CELSR1: variants seen among roughly 807,000 people sequenced by gnomAD.
CELSR1 encodes the protein cadherin EGF LAG seven-pass G-type receptor 1.
A neutral mutation model predicts 249.1 loss-of-function variants in CELSR1; 110 were observed. The observed-to-expected ratio is 0.44, with a 90% CI of 0.38 to 0.52. The LOEUF is 0.52. Among genes scored for constraint, CELSR1 ranks in the 20% least tolerant of loss-of-function variants. The pLI is 0.00. For missense variants in CELSR1, 4,109 were observed against 4,296.4 expected, an observed-to-expected ratio of 0.96 and a Z score of 1.22; for synonymous variants, 2,113 against 1,900.0, an observed-to-expected ratio of 1.11 and a Z score of -2.92.
chr22:46,460,200 C>CAT (rs2080006530), intron 2 of CELSR1, among the ~76,000 whole-genome samples: 1 of 121,896 alleles, frequency 8.2e-6, no homozygotes, highest in African/African-American at 3.2e-5. Flanking sequence ...CACACACACA[C>CAT]ACACACACAC....
rs149743371 is a variant in CELSR1, at chr22:46,409,698, G to T, written c.5059+57C>A. The T allele has an allele frequency of 1.2e-6, 2 of 1,602,066 alleles. No homozygotes were observed. The highest frequency in any genetic ancestry group is 1.3e-5 in the African/African-American group (1 of 74,884). On this transcript the variant is annotated intron_variant, in intron 8 of 34. Transcript: ENST00000674500. This position sits in a 1 kb window ranked among gnomAD's most constrained non-coding sequence, Gnocchi z 9.8. ...CTCACGGTGGTCCCGGGCACATCAA[G>T]GAGCAATGCCTCCCAGGCCGCCGTG...
intron 5 of CELSR1, among the ~76,000 whole-genome samples, chr22:46,420,272 G>T: frequency 6.7e-6 from 1 of 149,348 alleles, no homozygotes; most frequent in South Asian, 2.1e-4. Flanking sequence ...GCCCACACAC[G>T]TGCACTCATA....
Position 46,381,767 on chromosome 22 carries a change from G to A in CELSR1, c.7088+79C>T, listed in dbSNP as rs757401396. 1.4e-5 allele frequency: 18 copies of A among 1,296,394 alleles called. No individual in the cohort carries two copies. Among genetic ancestry groups the A allele is most frequent in the Non-Finnish European group, 1.7e-5 (16 of 944,738 alleles). 80.3% of individuals were successfully genotyped at this position (1,296,394 alleles called of 1,614,324 possible). ...CACTGTGAAGACCTGTGCTTGATCAGGATCAGGATTTTGACCTGTGGAAGC... is the reference window on the plus strand; with the variant it reads ...CACTGTGAAGACCTGTGCTTGATCAAGATCAGGATTTTGACCTGTGGAAGC... On this transcript the variant is annotated intron_variant, in intron 21 of 34. Coordinates refer to ENST00000674500, the MANE Select transcript of CELSR1 (RefSeq NM_001378328.1). The surrounding 1 kb of genome is among the most constrained non-coding windows in gnomAD (Gnocchi z 6.0).
In CELSR1 at chr22:46,462,367, G is replaced by A. The variant is rs556358846; in HGVS notation, c.4183+1340C>T. Among the ~76,000 whole-genome samples, 7 of 152,264 alleles carry A rather than the reference G, an allele frequency of 4.6e-5. No homozygotes were observed. The East Asian group carries it at 1.2e-3, about 25-fold the overall frequency. Reference sequence around the variant, plus strand: ...CCCTTGCATCAGGCTGCCAACACCCGTGCTGGTGGTTTTCCCTCCACTTCT... The same window carrying A: ...CCCTTGCATCAGGCTGCCAACACCCATGCTGGTGGTTTTCCCTCCACTTCT... On this transcript the variant is annotated intron_variant, in intron 2 of 34. Transcript: ENST00000674500.
rs1297728922 is a variant in CELSR1 at position 46,537,515 on chromosome 22, A to AGCGGGGCGGGCCCGGC, written c.-361_-346dup. 4.7e-5 allele frequency among the ~76,000 whole-genome samples: 7 copies of AGCGGGGCGGGCCCGGC among 148,174 alleles called. No individual in the cohort carries two copies. The highest frequency in any genetic ancestry group is 1.2e-4 in the African/African-American group (5 of 40,830). On this transcript the variant is annotated 5_prime_UTR_variant, in exon 1 of 35. Transcript: ENST00000674500. The surrounding 1 kb of genome is among the most constrained non-coding windows in gnomAD (Gnocchi z 5.8). ...CGGGCTCGGCCGGACGGGCGTGGGA[A>AGCGGGGCGGGCCCGGC]GCGGGGCGGGCCCGGCGCGGGGCGG...
In CELSR1 at chr22:46,407,857, G is replaced by A. The variant is rs973232522; in HGVS notation, c.5226+1139C>T. The stretch of plus-strand genomic sequence containing the variant: ...CAGAGCTAGACCCTGATCAGAAAGG[G>A]TCACAGCAGCTGGGTTTACAGGAGA... On this transcript the variant is annotated intron_variant, in intron 9 of 34. Transcript: ENST00000674500. This position sits in a 1 kb window ranked among gnomAD's most constrained non-coding sequence, Gnocchi z 4.8. Among the ~76,000 whole-genome samples the A allele has an allele frequency of 1.3e-5, 2 of 152,210 alleles. No homozygotes were observed. The highest frequency in any genetic ancestry group is 4.8e-5 in the African/African-American group (2 of 41,458).
At chr22:46,508,370 C>A (rs2080537283) in intron 1 of CELSR1, among the ~76,000 whole-genome samples, 2 of 152,070 alleles carry the variant, frequency 1.3e-5, no homozygotes, top group Non-Finnish European at 2.9e-5. Context: ...GGCACATGGG[C>A]CCTGCCTCCT....
At position 46,454,508 on chromosome 22, in the gene CELSR1, G is replaced by A. The variant is rs1391925954; in HGVS notation, c.4183+9199C>T. 4.6e-5 allele frequency among the ~76,000 whole-genome samples: 7 copies of A among 152,206 alleles called. No homozygotes were observed. Among genetic ancestry groups the A allele is most frequent in the Non-Finnish European group, 4.4e-5 (3 of 68,028 alleles). On this transcript the variant is annotated intron_variant, in intron 2 of 34. Coordinates refer to ENST00000674500, the MANE Select transcript of CELSR1 (RefSeq NM_001378328.1). This position sits in a 1 kb window ranked among gnomAD's most constrained non-coding sequence, Gnocchi z 5.1. ...TCAACAGCACAGACTTCGAAGTCAC[G>A]GGGAACGGCGTGTGCTTTAAACCAC...
chr22:46,502,872 G>A (rs1389905536), intron 1 of CELSR1, among the ~76,000 whole-genome samples: 1 of 152,206 alleles, frequency 6.6e-6, no homozygotes, highest in African/African-American at 2.4e-5. Flanking sequence ...TGCTCCGTAA[G>A]AGGTGGTACA....
rs2079188937 is a variant in CELSR1, at chr22:46,399,626, TG to T, written c.5412+90del. 1.5e-6 allele frequency: 2 copies of T among 1,335,598 alleles called. No individual in the cohort carries two copies. The highest frequency in any genetic ancestry group is 1.8e-5 in the Admixed American group (1 of 55,354). 82.7% of individuals were successfully genotyped at this position (1,335,598 alleles called of 1,614,324 possible). A position where few individuals can be genotyped will look rare whatever the true frequency, so the allele number is the denominator to read the frequency against. ...TGCCTCCCCAAATCCACAAGGTCTCTGGTGGGTCCTGGCACGTCAAGGGGTC... is the reference window on the plus strand; with the variant it reads ...TGCCTCCCCAAATCCACAAGGTCTCTGTGGGTCCTGGCACGTCAAGGGGTC... On this transcript the variant is annotated intron_variant, in intron 10 of 34. Transcript: ENST00000674500. The surrounding 1 kb of genome is among the most constrained non-coding windows in gnomAD (Gnocchi z 5.0).
At chr22:46,373,685 T>A (rs59829025) in intron 24 of CELSR1, among the ~76,000 whole-genome samples, 2,983 of 21,474 alleles carry the variant, frequency 0.14, 136 homozygotes, top group African/African-American at 0.36. Flanking sequence ...ATGGGGGAGA[T>A]GGGGGAGAAG....
chr22:46,438,963 G>A (rs1375258352), intron 3 of CELSR1, among the ~76,000 whole-genome samples: 1 of 152,118 alleles, frequency 6.6e-6, no homozygotes, highest in Non-Finnish European at 1.5e-5. Context: ...TTGCCATGTT[G>A]ACTAGGCTGG....
chr22:46,531,912 G>A (rs926262832), intron 1 of CELSR1, among the ~76,000 whole-genome samples: 12 of 151,728 alleles, frequency 7.9e-5, no homozygotes, highest in Non-Finnish European at 1.5e-4. Context: ...ACGAGAGTAC[G>A]AGTGTGTCCA....
At position 46,377,245 on chromosome 22, in the gene CELSR1, G is replaced by A. The variant is rs1016125217; in HGVS notation, c.7400C>T (p.Pro2467Leu). 6.2e-7 allele frequency: 1 copy of A among 1,614,022 alleles called. No individual in the cohort carries two copies. The highest frequency in any genetic ancestry group is 8.5e-7 in the Non-Finnish European group (1 of 1,180,030). ...AGCGGCATAGGTGACAATCTTCAGA[G>A]GCAGGACCTCCCCGTTCTATGGGCA... ...ISRRENGEVLPLKIVTYAAVS... is the reference protein window; with the variant it reads ...ISRRENGEVLLLKIVTYAAVS... The change falls in exon 24 of 35, where the codon CCT (proline) becomes CTT (leucine). Residue 2467 changes from proline (P) to leucine (L), a missense_variant. Coordinates refer to ENST00000674500, the MANE Select transcript of CELSR1 (RefSeq NM_001378328.1).
chr22:46,371,044 T>C (rs956044148), intron 25 of CELSR1, among the ~76,000 whole-genome samples: 3 of 152,224 alleles, frequency 2.0e-5, no homozygotes, highest in South Asian at 2.1e-4. Flanking sequence ...ATGTTCTTCA[T>C]CTCAGCGTCT....
rs146866686 is a variant in CELSR1, at chr22:46,535,857, C to G, written c.1314G>C (p.Pro438=). 3 of 1,611,016 alleles carry G rather than the reference C, an allele frequency of 1.9e-6. No homozygotes were observed. The East Asian group carries it at 6.7e-5, about 36-fold the overall frequency. Residue 438 remains proline (P), a synonymous_variant, in exon 1 of 35, where the codon CCG becomes CCC. Transcript: ENST00000674500. ...TGTACACGGTGGCCGTGGCACTGAG[C>G]GGGCCCGGATTGCGCCCCTGGTCGT... ...EANDQGRNPG[P]LSATATVYIE... is the part of the protein sequence containing the mutation.
At chr22:46,493,035 G>A (rs1272316350) in intron 1 of CELSR1, among the ~76,000 whole-genome samples, 1 of 152,064 alleles carries the variant, frequency 6.6e-6, no homozygotes, top group Non-Finnish European at 1.5e-5. Context: ...CTTGAGGCTG[G>A]GAATTCCAGA....
rs2079087293 is a variant in CELSR1 at position 46,391,230 on chromosome 22, T to G, written c.6206A>C (p.Lys2069Thr). 6.2e-7 allele frequency: 1 copy of G among 1,613,486 alleles called. No individual in the cohort carries two copies. Among genetic ancestry groups the G allele is most frequent in the Non-Finnish European group, 8.5e-7 (1 of 1,179,988 alleles). ...TGGCACCGCAGCCGGCTGCCCGAAC[T>G]TGGTCTGTGGCCACCAGATGCCGGC... ...FEAGIWWPQT[K>T]FGQPAAVPCP... Residue 2069 changes from lysine to threonine, a missense_variant, in exon 16 of 35, where the codon AAG becomes ACG. This residue lies in a region of CELSR1 where 1,805 missense variants were observed against 1,831.6 expected (regional missense o/e 0.99). Coordinates refer to ENST00000674500, the MANE Select transcript of CELSR1 (RefSeq NM_001378328.1). The surrounding 1 kb of genome is among the most constrained non-coding windows in gnomAD (Gnocchi z 4.3).
chr22:46,363,498 C>T lies in CELSR1; in HGVS notation c.9036-251G>A, dbSNP rs980352068. The T allele has an allele frequency of 1.8e-5, 8 of 446,694 alleles. No homozygotes were observed. The highest frequency in any genetic ancestry group is 5.6e-5 in the South Asian group (2 of 35,750). The allele number at this position is 446,694 out of a possible 1,614,324, so 27.7% of individuals were successfully genotyped here. On this transcript the variant is annotated intron_variant, in intron 34 of 34. Coordinates refer to ENST00000674500, the MANE Select transcript of CELSR1 (RefSeq NM_001378328.1). The surrounding 1 kb of genome is among the most constrained non-coding windows in gnomAD (Gnocchi z 4.3). ...AGCGCAAGGAATCCACGTTAGAAAC[C>T]GGCCATCTCTACAGTGACTTTTGGA...
Sources: gnomAD v4.1 joint callset for allele counts (sites outside exome capture counted in the v4.1 genomes callset) on GRCh38, gnomAD v4.1.1 for gene constraint, gnomAD v4.1.1 regional missense constraint, Gnocchi (gnomAD v3.1) non-coding constraint, MANE v1.5 for transcripts, NCBI Gene and HGNC (gene_info 2026-07-23, HGNC 2026-07-21) for gene names.